Variants in BBX observed in about 807,000 individuals in gnomAD.
The protein encoded by BBX is BBX high mobility group box domain containing.
A neutral mutation model predicts 100.2 loss-of-function variants in BBX; 30 were observed. The ratio of observed to expected loss-of-function variants is 0.30; its 90% confidence interval spans 0.22 to 0.41. BBX has a LOEUF of 0.41. Among genes scored for constraint, BBX ranks in the 10% least tolerant of loss-of-function variants. The pLI is 1.00. For synonymous variants in BBX, 376 were observed against 388.1 expected (o/e 0.97, Z 0.37); for missense variants, 1,023 against 1,129.8 (o/e 0.91, Z 1.35).
intron 3 of BBX, among the ~76,000 whole-genome samples, chr3:107,687,677 A>G (rs1304243944): frequency 1.3e-5 from 2 of 152,274 alleles, no homozygotes; most frequent in Non-Finnish European, 2.9e-5. Flanking sequence ...GACACTGGTC[A>G]TTTTTACTCT....
At chr3:107,613,506 G>A (rs1268696597) in intron 2 of BBX, among the ~76,000 whole-genome samples, 1 of 151,666 alleles carries the variant, frequency 6.6e-6, no homozygotes, top group Non-Finnish European at 1.5e-5. Flanking sequence ...GTATGTATGT[G>A]TGAACTATAC....
At chr3:107,692,665 C>T (rs2060264402) in intron 3 of BBX, among the ~76,000 whole-genome samples, 5 of 151,380 alleles carry the variant, frequency 3.3e-5, no homozygotes, top group Admixed American at 3.3e-4. Context: ...CATACGTGTG[C>T]ATGTGTCTTT....
At chr3:107,705,087 A>G (rs1410205944) in intron 3 of BBX, among the ~76,000 whole-genome samples, 2 of 152,146 alleles carry the variant, frequency 1.3e-5, no homozygotes, top group African/African-American at 4.8e-5. Context: ...GAATGAAAGC[A>G]GGTGGGTCCA....
In BBX at chr3:107,728,847, C is replaced by T. The variant is rs751992395; in HGVS notation, c.488C>T (p.Thr163Ile). ...TNKPVKSPTP[T>I]VNPRKKLWAF... ...AAGCCTGTGAAATCCCCAACACCCA[C>T]TGTCAATCCACGAAAGAAACTTTGG... Residue 163 changes from threonine to isoleucine, a missense_variant, in exon 6 of 18, where the codon ACT becomes ATT. Coordinates refer to ENST00000325805, the MANE Select transcript of BBX (RefSeq NM_001142568.3). 1 of 1,613,982 alleles carries T rather than the reference C, an allele frequency of 6.2e-7. No homozygotes were observed. The highest frequency in any genetic ancestry group is 8.5e-7 in the Non-Finnish European group (1 of 1,179,874).
At chr3:107,584,851 C>T (rs1216380487) in intron 2 of BBX, among the ~76,000 whole-genome samples, 1 of 151,266 alleles carries the variant, frequency 6.6e-6, no homozygotes, top group Non-Finnish European at 1.5e-5. Context: ...GCAACCACAC[C>T]CAGTGGTTTT....
intron 10 of BBX, among the ~76,000 whole-genome samples, chr3:107,769,924 A>G (rs772522133): frequency 1.3e-5 from 2 of 152,182 alleles, no homozygotes; most frequent in Non-Finnish European, 2.9e-5. Flanking sequence ...TGTGATTTGT[A>G]GTTTTAATTC....
At chr3:107,726,723 C>A (rs2107487041) in intron 5 of BBX, among the ~76,000 whole-genome samples, 1 of 152,088 alleles carries the variant, frequency 6.6e-6, no homozygotes, top group South Asian at 2.1e-4. Flanking sequence ...GCTTTATGGA[C>A]CATGTGTAAA....
chr3:107,568,229 T>C (rs1407481857), intron 2 of BBX, among the ~76,000 whole-genome samples: 1 of 151,946 alleles, frequency 6.6e-6, no homozygotes, highest in African/African-American at 2.4e-5. Flanking sequence ...GTTGGAGTCA[T>C]GTTCTTCAGT....
chr3:107,695,703 C>T (rs1402640687), intron 3 of BBX, among the ~76,000 whole-genome samples: 2 of 151,530 alleles, frequency 1.3e-5, no homozygotes, highest in Non-Finnish European at 2.9e-5. Flanking sequence ...CTGTAGATGT[C>T]TATTAGGTCC....
intron 8 of BBX, among the ~76,000 whole-genome samples, chr3:107,745,806 C>T (rs181519544): frequency 5.3e-5 from 8 of 152,128 alleles, no homozygotes; most frequent in African/African-American, 1.9e-4. Context: ...AGATTGGTCC[C>T]AACTTTGAAA....
intron 2 of BBX, among the ~76,000 whole-genome samples, chr3:107,546,000 A>G (rs2049212347): frequency 6.6e-6 from 1 of 152,198 alleles, no homozygotes; most frequent in African/African-American, 2.4e-5. Context: ...TCGTAGCTCA[A>G]AGGTGCTAAT....
Position 107,655,097 on chromosome 3 carries a change from A to G in BBX, c.-10+9188A>G, listed in dbSNP as rs556012939. Among the ~76,000 whole-genome samples the G allele has an allele frequency of 1.3e-3, 200 of 152,344 alleles. 1 individual carries two copies. The highest frequency in any genetic ancestry group is 4.7e-3 in the African/African-American group (194 of 41,586). ...TGGGAAAATCTTTATTGAATACAAG[A>G]TGGACTTGCTTTCCTGACGATTTCA... On this transcript the variant is annotated intron_variant, in intron 3 of 17. Transcript: ENST00000325805.
At chr3:107,673,110 A>G (rs775264207) in intron 3 of BBX, among the ~76,000 whole-genome samples, 161 of 152,080 alleles carry the variant, frequency 1.1e-3, no homozygotes, top group Non-Finnish European at 1.6e-3. Flanking sequence ...TGAATGAAGT[A>G]AAGTAGGAGT....
At chr3:107,667,831 A>T (rs74913551) in intron 3 of BBX, among the ~76,000 whole-genome samples, 361 of 152,260 alleles carry the variant, frequency 2.4e-3, no homozygotes, top group African/African-American at 8.3e-3. Flanking sequence ...GAATAGTTTC[A>T]TTCAGATTCA....
At chr3:107,734,355 A>C (rs1210109759) in intron 7 of BBX, among the ~76,000 whole-genome samples, 1 of 152,226 alleles carries the variant, frequency 6.6e-6, no homozygotes, top group Non-Finnish European at 1.5e-5. Flanking sequence ...TTCAGCTGGA[A>C]AAACATACAT....
At chr3:107,646,542 G>T (rs966455025) in intron 3 of BBX, among the ~76,000 whole-genome samples, 2 of 151,962 alleles carry the variant, frequency 1.3e-5, no homozygotes, top group Non-Finnish European at 2.9e-5. Context: ...TAACTTTAAT[G>T]TATGGTAATA....
intron 3 of BBX, among the ~76,000 whole-genome samples, chr3:107,666,252 A>T (rs2058736001): frequency 6.6e-6 from 1 of 152,148 alleles, no homozygotes; most frequent in Non-Finnish European, 1.5e-5. Flanking sequence ...AGAGCTATGT[A>T]TTTGTTCTTT....
intron 2 of BBX, among the ~76,000 whole-genome samples, chr3:107,538,146 G>A (rs915727641): frequency 6.6e-6 from 1 of 152,166 alleles, no homozygotes; most frequent in African/African-American, 2.4e-5. Flanking sequence ...CTCATTGGGT[G>A]CAATACATAC....
rs564729587 is a variant in BBX, at chr3:107,604,853, T to C, written c.-83-40983T>C. On this transcript the variant is annotated intron_variant, in intron 2 of 17. Transcript: ENST00000325805. ...AGGGAGATAATACATCCAAACTGAA[T>C]GCCAGAAATTTATTACATGTATACA... 4.7e-5 allele frequency among the ~76,000 whole-genome samples: 7 copies of C among 148,366 alleles called. No individual in the cohort carries two copies. The South Asian group carries it at 1.5e-3, about 31-fold the overall frequency.
Sources: gnomAD v4.1 joint callset for allele counts (sites outside exome capture counted in the v4.1 genomes callset) on GRCh38, gnomAD v4.1.1 for gene constraint, MANE v1.5 for transcripts, NCBI Gene and HGNC (gene_info 2026-07-23, HGNC 2026-07-21) for gene names.